AKT3: variants seen among roughly 807,000 people sequenced by gnomAD.
AKT3 encodes the protein AKT serine/threonine kinase 3, also known as RAC-gamma serine/threonine-protein kinase.
AKT3 carries 15 observed loss-of-function variants against 65.3 expected under a neutral mutation model. That is an observed-to-expected ratio of 0.23 (90% confidence interval 0.15 to 0.35). The LOEUF (loss-of-function observed/expected upper bound fraction) is 0.35, where lower values mean the gene tolerates loss of function less well. AKT3 is among the 10% of genes least tolerant of loss of function. The probability of loss-of-function intolerance (pLI) is 1.00; values close to 1 mark genes in which losing one functional copy is unlikely to be tolerated. For synonymous variants in AKT3, 206 were observed against 183.8 expected (o/e 1.12, Z -0.98); for missense variants, 243 against 576.5 (o/e 0.42, Z 5.92).
At chr1:243,663,050 G>A (rs980632223) in intron 4 of AKT3, among the ~76,000 whole-genome samples, 1 of 152,152 alleles carries the variant, frequency 6.6e-6, no homozygotes, top group Non-Finnish European at 1.5e-5. Context: ...ATATTGACAT[G>A]GGAAAAGTAC....
chr1:243,733,109 C>T (rs1039598996), intron 2 of AKT3, among the ~76,000 whole-genome samples: 4 of 152,196 alleles, frequency 2.6e-5, no homozygotes, highest in Non-Finnish European at 5.9e-5. Context: ...CCAATTCATA[C>T]ACTCCAAGTA....
At chr1:243,744,912 A>G (rs1243156456) in intron 2 of AKT3, among the ~76,000 whole-genome samples, 1 of 151,954 alleles carries the variant, frequency 6.6e-6, no homozygotes, top group African/African-American at 2.4e-5. Context: ...CACTGTATTC[A>G]TGAGTCCTTG....
intron 13 of AKT3, among the ~76,000 whole-genome samples, chr1:243,511,183 A>G (rs1669989876): frequency 6.6e-6 from 1 of 152,262 alleles, no homozygotes; most frequent in South Asian, 2.1e-4. Flanking sequence ...TCAAGTTGGT[A>G]AGCCCTGCTT....
chr1:243,579,412 G>C (rs1185155516), intron 8 of AKT3, among the ~76,000 whole-genome samples: 1 of 152,066 alleles, frequency 6.6e-6, no homozygotes, highest in Non-Finnish European at 1.5e-5. Flanking sequence ...AGGACATTCA[G>C]ATGGAATACT....
intron 1 of AKT3, chr1:243,843,649 A>ATT: frequency 1.7e-5 from 14 of 847,386 alleles, no homozygotes; most frequent in African/African-American, 1.9e-5. Flanking sequence ...GCAATTGTAA[A>ATT]TTTTTTGTTT....
chr1:243,578,452 T>A (rs10158176), intron 8 of AKT3, among the ~76,000 whole-genome samples: 119,538 of 152,014 alleles, frequency 0.79, 47,830 homozygotes, highest in Non-Finnish European at 0.86. Context: ...CAAACACCGC[T>A]TGTTCTCACT....
intron 8 of AKT3, among the ~76,000 whole-genome samples, chr1:243,608,632 T>C (rs576364407): frequency 1.3e-5 from 2 of 152,190 alleles, no homozygotes; most frequent in African/African-American, 4.8e-5. Flanking sequence ...TATGTGTGGA[T>C]TGTGCTAGTG....
At chr1:243,585,157 T>A (rs937421280) in intron 8 of AKT3, among the ~76,000 whole-genome samples, 2 of 151,684 alleles carry the variant, frequency 1.3e-5, no homozygotes, top group Admixed American at 6.6e-5. Context: ...CACAAAAAAA[T>A]CCAGGAATAC....
At chr1:243,817,738 CAAAT>C (rs1357261170) in intron 2 of AKT3, among the ~76,000 whole-genome samples, 1 of 152,118 alleles carries the variant, frequency 6.6e-6, no homozygotes, top group Non-Finnish European at 1.5e-5. Flanking sequence ...GACTCTGTCT[CAAAT>C]AAATAAATAA....
intron 1 of AKT3, among the ~76,000 whole-genome samples, chr1:243,847,271 T>G (rs762741002): frequency 2.0e-5 from 3 of 152,192 alleles, no homozygotes; most frequent in Non-Finnish European, 2.9e-5. Flanking sequence ...AAATCTAAGA[T>G]AGTTTTAAAT....
intron 5 of AKT3, among the ~76,000 whole-genome samples, chr1:243,639,571 A>C (rs1680222036): frequency 6.6e-6 from 1 of 152,158 alleles, no homozygotes; most frequent in Admixed American, 6.6e-5. Flanking sequence ...ATATATTATC[A>C]TGCCAAAGGA....
At chr1:243,606,915 T>C (rs1372071253) in intron 8 of AKT3, among the ~76,000 whole-genome samples, 2 of 152,256 alleles carry the variant, frequency 1.3e-5, no homozygotes, top group African/African-American at 4.8e-5. Context: ...GGGACCAATG[T>C]ACAGCTCAGG....
At chr1:243,634,910 T>C (rs1357709285) in intron 6 of AKT3, among the ~76,000 whole-genome samples, 1 of 151,842 alleles carries the variant, frequency 6.6e-6, no homozygotes, top group African/African-American at 2.4e-5. Context: ...AAGAAAGAAG[T>C]AAGGCAACGG....
chr1:243,583,162 ATGTGTGTG>A (rs145963349), intron 8 of AKT3, among the ~76,000 whole-genome samples: 28,840 of 114,944 alleles, frequency 0.25, 3,805 homozygotes, highest in African/African-American at 0.31. Flanking sequence ...TTCCATGTAT[ATGTGTGTG>A]TATATATATA....
chr1:243,811,296 T>G (rs1457218002), intron 2 of AKT3, among the ~76,000 whole-genome samples: 4 of 152,162 alleles, frequency 2.6e-5, no homozygotes. Context: ...GCCCAAAACC[T>G]CCTTAAGCTG....
At chr1:243,644,066 T>A (rs7552061) in intron 5 of AKT3, among the ~76,000 whole-genome samples, 119,145 of 152,094 alleles carry the variant, frequency 0.78, 47,514 homozygotes, top group Non-Finnish European at 0.86. Context: ...TTCAAAAAAG[T>A]TAACAGAACT....
rs149825437 is a variant in AKT3 at position 243,594,310 on chromosome 1, C to T, written c.696+19361G>A. 1.8e-3 allele frequency among the ~76,000 whole-genome samples: 269 copies of T among 152,194 alleles called. 6 individuals are homozygous for T. Among genetic ancestry groups the T allele is most frequent in the East Asian group, 1.7e-3 (9 of 5,186 alleles). ...TCCATGGATTAGAAGACTCAATATT[C>T]TTAAATAGATTTATGGATTAAATGC... On this transcript the variant is annotated intron_variant, in intron 8 of 13. Transcript: ENST00000673466.
rs562389989 is a variant in AKT3 at position 243,764,146 on chromosome 1, T to C, written c.47-68430A>G. On this transcript the variant is annotated intron_variant, in intron 2 of 13. Coordinates refer to ENST00000673466, the MANE Select transcript of AKT3 (RefSeq NM_005465.7). ...AATAAAAACATCTAAGTCGCTACTT[T>C]ATGCCTCTATTTGCAAAATTCTCAT... Among the ~76,000 whole-genome samples the C allele has an allele frequency of 5.9e-5, 9 of 152,240 alleles. No individual in the cohort carries two copies. The East Asian group carries it at 1.5e-3, about 26-fold the overall frequency.
chr1:243,818,690 T>C (rs1693677040), intron 2 of AKT3, among the ~76,000 whole-genome samples: 1 of 151,894 alleles, frequency 6.6e-6, no homozygotes, highest in Non-Finnish European at 1.5e-5. Context: ...TATTCAGCAA[T>C]ATGTTATGCA....
Sources: gnomAD v4.1 joint callset for allele counts (sites outside exome capture counted in the v4.1 genomes callset) on GRCh38, gnomAD v4.1.1 for gene constraint, MANE v1.5 for transcripts, NCBI Gene and HGNC (gene_info 2026-07-23, HGNC 2026-07-21) for gene names.